DTX1: variants seen among roughly 807,000 people sequenced by gnomAD.
DTX1 encodes the protein E3 ubiquitin-protein ligase DTX1.
In DTX1, 26 loss-of-function variants were observed where a neutral mutation model predicts 57.8. That is an observed-to-expected ratio of 0.45 (90% CI 0.33 to 0.62). DTX1 has a LOEUF of 0.62. Ranked by LOEUF, DTX1 falls within the 20% of genes least tolerant of loss-of-function variation. The pLI, the probability that DTX1 is intolerant of heterozygous loss-of-function variation, is 0.02. For missense variants in DTX1, 704 were observed against 895.3 expected (o/e 0.79, Z 2.73); for synonymous variants, 398 against 394.1 (o/e 1.01, Z -0.12).
At position 113,096,962 on chromosome 12, in the gene DTX1, C is replaced by T. The variant is rs1300280193; in HGVS notation, c.*23C>T. Reference sequence around the variant, plus strand: ...TGAGGCCCAAGGCTGCCCACCTTCCCTCCTGCTTTGCCCCTGGTCCGGCAA... The same window carrying T: ...TGAGGCCCAAGGCTGCCCACCTTCCTTCCTGCTTTGCCCCTGGTCCGGCAA... On this transcript the variant is annotated 3_prime_UTR_variant, in exon 10 of 10. Coordinates refer to ENST00000548759, the MANE Select transcript of DTX1 (RefSeq NM_004416.3). The T allele has an allele frequency of 1.9e-6, 3 of 1,594,266 alleles. No homozygotes were observed. Among genetic ancestry groups the T allele is most frequent in the African/African-American group, 2.7e-5 (2 of 74,734 alleles).
chr12:113,078,197 A>G (rs935997576), intron 3 of DTX1, 92 bp downstream of exon 3: 2 of 969,658 alleles, frequency 2.1e-6, no homozygotes, highest in African/African-American at 1.8e-5. Context: ...AGGAGCAAAG[A>G]TTACAATAAT....
intron 2 of DTX1, among the ~76,000 whole-genome samples, chr12:113,069,723 G>A (rs1204695515): frequency 2.0e-5 from 3 of 152,086 alleles, no homozygotes; most frequent in Non-Finnish European, 4.4e-5. Flanking sequence ...CCATCTGTCC[G>A]ATGGGGCTAA....
intron 2 of DTX1, among the ~76,000 whole-genome samples, chr12:113,059,202 G>A (rs374520409): frequency 4.6e-5 from 7 of 152,108 alleles, no homozygotes; most frequent in Non-Finnish European, 5.9e-5. Context: ...TGATGGTGAC[G>A]TGGCAGTGTT....
At position 113,093,995 on chromosome 12, in the gene DTX1, A is replaced by G. The variant is rs1024720562; in HGVS notation, c.1166-43A>G. 13 of 1,559,848 alleles carry G rather than the reference A, an allele frequency of 8.3e-6. No homozygotes were observed. The highest frequency in any genetic ancestry group is 1.0e-5 in the Non-Finnish European group (12 of 1,150,578). The stretch of plus-strand genomic sequence containing the variant: ...AGTTCTGAGCCAAGCCTTCGGGGAC[A>G]GACTCTGGGTACCCTCAAACCCACC... On this transcript the variant is annotated intron_variant, in intron 5 of 9. Transcript: ENST00000548759. The surrounding 1 kb of genome is among the most constrained non-coding windows in gnomAD (Gnocchi z 4.2).
At chr12:113,081,082 G>A (rs1309969186) in intron 3 of DTX1, among the ~76,000 whole-genome samples, 5 of 152,170 alleles carry the variant, frequency 3.3e-5, no homozygotes, top group African/African-American at 7.2e-5. Context: ...TATTTGAGGC[G>A]GGCGTAGTGG....
intron 1 of DTX1, among the ~76,000 whole-genome samples, chr12:113,057,154 C>A (rs866116663): frequency 6.6e-6 from 1 of 151,976 alleles, no homozygotes; most frequent in African/African-American, 2.4e-5. Flanking sequence ...TGCTTCCCGG[C>A]GCACCCCAGC....
At chr12:113,082,660 A>G (rs1478688081) in intron 3 of DTX1, among the ~76,000 whole-genome samples, 3 of 152,250 alleles carry the variant, frequency 2.0e-5, no homozygotes, top group African/African-American at 7.2e-5. Flanking sequence ...CAGTGGCGCA[A>G]TCACAGCTCC....
At position 113,058,060 on chromosome 12, in the gene DTX1, C is replaced by G; in HGVS notation, c.-133C>G. On this transcript the variant is annotated 5_prime_UTR_variant, in exon 2 of 10. Transcript: ENST00000548759. ...GGAGGTCTCTAGGCCTCAGAGAGAA[C>G]CCAGAGTTAGAAAGGAGGCCAGACG... 1 of 1,397,706 alleles carries G rather than the reference C, an allele frequency of 7.2e-7. No individual in the cohort carries two copies. The highest frequency in any genetic ancestry group is 2.5e-5 in the East Asian group (1 of 39,862). The allele number at this position is 1,397,706 out of a possible 1,614,324, so 86.6% of individuals were successfully genotyped here.
rs532455042 is a variant in DTX1 at position 113,092,038 on chromosome 12, A to G, written c.942-1124A>G. Among the ~76,000 whole-genome samples, 17 of 152,350 alleles carry G rather than the reference A, an allele frequency of 1.1e-4. No individual in the cohort carries two copies. In the South Asian group the frequency reaches 1.9e-3, roughly 17 times the overall value. ...CTCTCCTTCAGTCCTCCCAACGACT[A>G]TAAGTGAGGTGTTAATATGCCTGTT... On this transcript the variant is annotated intron_variant, in intron 3 of 9. Coordinates refer to ENST00000548759, the MANE Select transcript of DTX1 (RefSeq NM_004416.3).
chr12:113,083,586 G>A (rs932098381), intron 3 of DTX1, among the ~76,000 whole-genome samples: 13 of 152,126 alleles, frequency 8.5e-5, no homozygotes, highest in African/African-American at 1.9e-4. Flanking sequence ...TCGGCCTCCC[G>A]AAATTCTGGG....
In DTX1 at chr12:113,093,328, C is replaced by G; in HGVS notation, c.1003+105C>G. 1 of 1,405,292 alleles carries G rather than the reference C, an allele frequency of 7.1e-7. No individual in the cohort carries two copies. Among genetic ancestry groups the G allele is most frequent in the Non-Finnish European group, 9.6e-7 (1 of 1,039,144 alleles). The allele number at this position is 1,405,292 out of a possible 1,614,324, so 87.1% of individuals were successfully genotyped here. On this transcript the variant is annotated intron_variant, in intron 4 of 9. Transcript: ENST00000548759. This position sits in a 1 kb window ranked among gnomAD's most constrained non-coding sequence, Gnocchi z 4.2. ...CCGAGATGGGCTGGTGAGCGTGGCC[C>G]GGAGGAAACGCCCCCTTCCACTGGG...
Position 113,056,869 on chromosome 12 carries a change from C to G in DTX1, c.-820C>G, listed in dbSNP as rs1207404995. ...CGCGGAGGCGGGACCGCGGCTCCCT[C>G]CCACTCCGGGGGGAGCCCAGGAGGC... On this transcript the variant is annotated 5_prime_UTR_variant, in exon 1 of 10. Coordinates refer to ENST00000548759, the MANE Select transcript of DTX1 (RefSeq NM_004416.3). 6.6e-6 allele frequency: 1 copy of G among 152,478 alleles called. No homozygotes were observed. Among genetic ancestry groups the G allele is most frequent in the African/African-American group, 2.4e-5 (1 of 41,442 alleles). 9.4% of individuals were successfully genotyped at this position (152,478 alleles called of 1,614,324 possible).
At chr12:113,059,545 G>A (rs572184722) in intron 2 of DTX1, among the ~76,000 whole-genome samples, 68 of 152,098 alleles carry the variant, frequency 4.5e-4, no homozygotes, top group Non-Finnish European at 8.5e-4. Flanking sequence ...ATTTGTCATC[G>A]TTGGGGAGAT....
At chr12:113,090,408 C>T (rs1403649627) in intron 3 of DTX1, among the ~76,000 whole-genome samples, 1 of 152,168 alleles carries the variant, frequency 6.6e-6, no homozygotes, top group African/African-American at 2.4e-5. Flanking sequence ...CCTGGGGCCC[C>T]CCCGCAGGGT....
Position 113,086,044 on chromosome 12 carries a change from G to A in DTX1, c.942-7118G>A, listed in dbSNP as rs187506105. The stretch of plus-strand genomic sequence containing the variant: ...GCACTTTGGGAGGCTAAGGTGGGAG[G>A]ATCACTTGAGCCCAGGAATTTGAGA... On this transcript the variant is annotated intron_variant, in intron 3 of 9. Coordinates refer to ENST00000548759, the MANE Select transcript of DTX1 (RefSeq NM_004416.3). 2.1e-3 allele frequency among the ~76,000 whole-genome samples: 317 copies of A among 152,260 alleles called. 1 individual carries two copies. The highest frequency in any genetic ancestry group is 5.4e-3 in the South Asian group (26 of 4,820).
chr12:113,074,608 G>A (rs1248307060), intron 2 of DTX1, among the ~76,000 whole-genome samples: 1 of 152,238 alleles, frequency 6.6e-6, no homozygotes, highest in Non-Finnish European at 1.5e-5. Context: ...AGCCAGGAAG[G>A]ATTTTGAGCA....
intron 9 of DTX1, 135 bp from the exon 10 acceptor site, chr12:113,096,580 C>T (rs80041861): frequency 0.011 from 7,903 of 689,830 alleles, 61 homozygotes; most frequent in Middle Eastern, 0.023. Context: ...GCCAAGCCAG[C>T]AGTACGTAGT....
intron 2 of DTX1, among the ~76,000 whole-genome samples, chr12:113,073,133 C>T (rs529290188): frequency 6.6e-6 from 1 of 152,280 alleles, no homozygotes; most frequent in African/African-American, 2.4e-5. Flanking sequence ...CATTGCTTCC[C>T]TTCCTATCCT....
chr12:113,096,699 G>A lies in DTX1; in HGVS notation c.1639-16G>A, dbSNP rs778166167. The stretch of plus-strand genomic sequence containing the variant: ...TGTGACCTCCTCCCGGCCCCACTGT[G>A]TCCCTGTCCCCCCAGGTGCTGCGGC... On this transcript the variant is annotated splice_polypyrimidine_tract_variant and intron_variant, in intron 9 of 9. Transcript: ENST00000548759. The A allele has an allele frequency of 6.2e-7, 1 of 1,603,966 alleles. No homozygotes were observed. The highest frequency in any genetic ancestry group is 2.3e-5 in the East Asian group (1 of 44,322).
Sources: allele counts gnomAD v4.1 joint callset (sites outside exome capture counted in the v4.1 genomes callset), GRCh38; gene constraint gnomAD v4.1.1; non-coding constraint Gnocchi (gnomAD v3.1); transcripts MANE v1.5; gene names NCBI Gene and HGNC (gene_info 2026-07-23, HGNC 2026-07-21).